The following BBX variants were observed in gnomAD, a reference collection of about 807,000 sequenced individuals.
BBX encodes the protein HMG box transcription factor BBX.
A neutral mutation model predicts 100.2 loss-of-function variants in BBX; 30 were observed. The observed-to-expected ratio is 0.30, with a 90% CI of 0.22 to 0.41. The LOEUF (loss-of-function observed/expected upper bound fraction) is 0.41. Among genes scored for constraint, BBX ranks in the 10% least tolerant of loss-of-function variants. The pLI is 1.00. For missense variants in BBX, 1,023 were observed against 1,129.8 expected, an observed-to-expected ratio of 0.91 and a Z score of 1.35; for synonymous variants, 376 against 388.1, an observed-to-expected ratio of 0.97 and a Z score of 0.37.
At chr3:107,533,922 A>C (rs1021969912) in intron 2 of BBX, among the ~76,000 whole-genome samples, 40 of 152,246 alleles carry the variant, frequency 2.6e-4, no homozygotes, top group African/African-American at 9.1e-4. Flanking sequence ...TGTTTTGTAG[A>C]GGTTCTAGAT....
intron 13 of BBX, among the ~76,000 whole-genome samples, chr3:107,786,576 T>C (rs937399331): frequency 4.6e-5 from 7 of 152,166 alleles, no homozygotes; most frequent in Non-Finnish European, 1.0e-4. Context: ...AAAATGATTC[T>C]GGATCAACTG....
intron 2 of BBX, among the ~76,000 whole-genome samples, chr3:107,529,876 G>T (rs145907250): frequency 6.6e-6 from 1 of 151,554 alleles, no homozygotes; most frequent in African/African-American, 2.4e-5. Flanking sequence ...ATAAGTGCCA[G>T]TTATGTGAGA....
At position 107,695,892 on chromosome 3, in the gene BBX, C is replaced by T. The variant is rs557677363; in HGVS notation, c.-9-14560C>T. 1.1e-4 allele frequency among the ~76,000 whole-genome samples: 16 copies of T among 151,906 alleles called. No individual in the cohort carries two copies. In the South Asian group the frequency reaches 3.3e-3, roughly 31 times the overall value. The stretch of plus-strand genomic sequence containing the variant: ...AAACTGGGTGCTCCTGTGTTGGGTG[C>T]ATATATATTTAGGATAGTTAGCTCT... On this transcript the variant is annotated intron_variant, in intron 3 of 17. Transcript: ENST00000325805.
intron 3 of BBX, among the ~76,000 whole-genome samples, chr3:107,705,089 G>T (rs74329571): frequency 6.6e-6 from 1 of 152,032 alleles, no homozygotes; most frequent in Non-Finnish European, 1.5e-5. Context: ...ATGAAAGCAG[G>T]TGGGTCCAAT....
intron 3 of BBX, among the ~76,000 whole-genome samples, chr3:107,651,135 A>T (rs1481119492): frequency 6.6e-6 from 1 of 152,194 alleles, no homozygotes; most frequent in East Asian, 1.9e-4. Context: ...TCAACATATG[A>T]ATTTGGAGCG....
chr3:107,672,569 A>T (rs2107927887), intron 3 of BBX, among the ~76,000 whole-genome samples: 1 of 152,172 alleles, frequency 6.6e-6, no homozygotes, highest in African/African-American at 2.4e-5. Context: ...TAGAAGCTGA[A>T]GTAGGGAATG....
chr3:107,792,711 A>G (rs1047936027), intron 15 of BBX, among the ~76,000 whole-genome samples: 4 of 152,184 alleles, frequency 2.6e-5, no homozygotes, highest in African/African-American at 7.2e-5. Flanking sequence ...AACATCCTCA[A>G]ATTGATACAT....
At chr3:107,686,312 A>G (rs2059842821) in intron 3 of BBX, among the ~76,000 whole-genome samples, 1 of 152,198 alleles carries the variant, frequency 6.6e-6, no homozygotes, top group Non-Finnish European at 1.5e-5. Context: ...TATGCTTCAT[A>G]AAATCTCAGA....
intron 13 of BBX, among the ~76,000 whole-genome samples, chr3:107,787,626 A>T (rs2068574893): frequency 6.6e-6 from 1 of 152,188 alleles, no homozygotes. Context: ...GGTGAATTGT[A>T]TGGTATGTTA....
rs1476428093 is a variant in BBX at position 107,584,034 on chromosome 3, AATTATATATATTATATAT to A, written c.-84+57648_-84+57665del. ...TATTATACATATTATTATATATATTAATTATATATATTATATATATTATATATATCATATATTATATAT... is the reference window on the plus strand; with the variant it reads ...TATTATACATATTATTATATATATTAATTATATATATCATATATTATATAT... On this transcript the variant is annotated intron_variant, in intron 2 of 17. Coordinates refer to ENST00000325805, the MANE Select transcript of BBX (RefSeq NM_001142568.3). Among the ~76,000 whole-genome samples, 12 of 57,022 alleles carry A rather than the reference AATTATATATATTATATAT, an allele frequency of 2.1e-4. No individual in the cohort carries two copies. The East Asian group carries it at 5.0e-3, about 24-fold the overall frequency. 37.4% of individuals were successfully genotyped at this position (57,022 alleles called of 152,430 possible).
Position 107,810,158 on chromosome 3 carries a change from C to G in BBX, c.*4701C>G, listed in dbSNP as rs938663626. On this transcript the variant is annotated 3_prime_UTR_variant, in exon 18 of 18. Transcript: ENST00000325805. The stretch of plus-strand genomic sequence containing the variant: ...AATGTATTTGACTCCCTCATAATCC[C>G]CATCTGTATGTGCTACCCTTCCTTC... 6.6e-6 allele frequency: 1 copy of G among 151,530 alleles called. No homozygotes were observed. The highest frequency in any genetic ancestry group is 2.4e-5 in the African/African-American group (1 of 41,212). The allele number at this position is 151,530 out of a possible 1,614,324, so 9.4% of individuals were successfully genotyped here. A position where few individuals can be genotyped will look rare whatever the true frequency, so the allele number is the denominator to read the frequency against.
intron 2 of BBX, among the ~76,000 whole-genome samples, chr3:107,582,702 T>G (rs1229167353): frequency 6.6e-6 from 1 of 152,108 alleles, no homozygotes; most frequent in Non-Finnish European, 1.5e-5. Context: ...GAATATAATG[T>G]AGTGGTAAGT....
At position 107,808,172 on chromosome 3, in the gene BBX, G is replaced by A. The variant is rs778615309; in HGVS notation, c.*2715G>A. 3.3e-5 allele frequency: 5 copies of A among 151,686 alleles called. No homozygotes were observed. The highest frequency in any genetic ancestry group is 2.4e-5 in the African/African-American group (1 of 41,260). The allele number at this position is 151,686 out of a possible 1,614,324, so 9.4% of individuals were successfully genotyped here. ...TTGGAAAATCATATTGCTATAGTGT[G>A]TACTTTAATCTGCCAGCAGATACCA... On this transcript the variant is annotated 3_prime_UTR_variant, in exon 18 of 18. Transcript: ENST00000325805.
intron 2 of BBX, among the ~76,000 whole-genome samples, chr3:107,570,513 G>C (rs746811395): frequency 1.3e-5 from 2 of 152,144 alleles, no homozygotes; most frequent in Non-Finnish European, 2.9e-5. Context: ...TGATTTGGGA[G>C]AGGTCGGATA....
intron 2 of BBX, among the ~76,000 whole-genome samples, chr3:107,553,172 T>C (rs1224048253): frequency 6.6e-6 from 1 of 152,252 alleles, no homozygotes; most frequent in African/African-American, 2.4e-5. Context: ...TGCATTATAC[T>C]GTTTTCATAA....
intron 2 of BBX, among the ~76,000 whole-genome samples, chr3:107,554,705 A>G (rs1391727693): frequency 3.3e-5 from 5 of 152,092 alleles, no homozygotes; most frequent in Non-Finnish European, 7.4e-5. Context: ...CCTGGGCAAC[A>G]GGGTGAGACC....
intron 1 of BBX, chr3:107,524,006 A>G (rs1162231772): frequency 6.6e-6 from 1 of 151,380 alleles, no homozygotes; most frequent in African/African-American, 2.4e-5. Context: ...AGAGGGAGAC[A>G]GAGAGAGAGG....
rs748204781 is a variant in BBX, at chr3:107,747,974, A to G, written c.760A>G (p.Ser254Gly). 1.9e-6 allele frequency: 3 copies of G among 1,612,730 alleles called. No homozygotes were observed. The highest frequency in any genetic ancestry group is 2.5e-6 in the Non-Finnish European group (3 of 1,179,222). Residue 254 changes from serine to glycine, a missense_variant, in exon 9 of 18, where the codon AGT (serine) becomes GGT (glycine). Ser to Gly is a moderately conservative substitution (Grantham distance 56). Around this residue, in one of 9 missense-constraint regions of BBX, gnomAD observed 95 missense variants for 95.1 expected, o/e 1.00. Coordinates refer to ENST00000325805, the MANE Select transcript of BBX (RefSeq NM_001142568.3). ...PLFQFAEISS[S>G]TSHSDASTKQ... is the part of the protein sequence containing the mutation. ...GCTTGTTTCCTTTCAGATATCTTCA[A>G]GTACGTCCCACTCTGATGCTTCTAC...
At chr3:107,688,635 T>C (rs62262009) in intron 3 of BBX, among the ~76,000 whole-genome samples, 159 of 152,340 alleles carry the variant, frequency 1.0e-3, no homozygotes, top group Non-Finnish European at 1.9e-3. Context: ...TTGGACCACA[T>C]TTGTTGCACT....
Sources: allele counts gnomAD v4.1 joint callset (sites outside exome capture counted in the v4.1 genomes callset), GRCh38; gene constraint gnomAD v4.1.1; regional missense constraint gnomAD v4.1.1; transcripts MANE v1.5; gene names NCBI Gene and HGNC (gene_info 2026-07-23, HGNC 2026-07-21).